PRKAB1: variants seen among roughly 807,000 people sequenced by gnomAD.
PRKAB1 encodes protein kinase AMP-activated non-catalytic subunit beta 1.
A neutral mutation model predicts 32.0 loss-of-function variants in PRKAB1; 18 were observed. The observed-to-expected ratio is 0.56, with a 90% CI of 0.39 to 0.83. The LOEUF is 0.83. Ranked by LOEUF, PRKAB1 falls within the 40% of genes least tolerant of loss-of-function variation. PRKAB1 has a pLI of 0.00. For missense variants in PRKAB1, 263 were observed against 352.6 expected (o/e 0.75, Z 2.03); for synonymous variants, 141 against 141.4 (o/e 1.00, Z 0.02).
rs544444157 is a variant in PRKAB1, at chr12:119,672,583, T to C, written c.323+119T>C. 1.6e-3 allele frequency: 1,823 copies of C among 1,127,210 alleles called. 7 individuals carry two copies. Among genetic ancestry groups the C allele is most frequent in the Non-Finnish European group, 2.0e-3 (1,651 of 828,350 alleles). 69.8% of individuals were successfully genotyped at this position (1,127,210 alleles called of 1,614,324 possible). A position where few individuals can be genotyped will look rare whatever the true frequency, so the allele number is the denominator to read the frequency against. On this transcript the variant is annotated intron_variant, in intron 2 of 6. Coordinates refer to ENST00000229328, the MANE Select transcript of PRKAB1 (RefSeq NM_006253.5). ...ATAAAATGGATGCCTAGTGGAAAAA[T>C]AATTTTGCTTAATAAGTCTTAAGGT...
chr12:119,676,670 CG>C lies in PRKAB1; in HGVS notation c.666+1del. The C allele has an allele frequency of 6.2e-7, 1 of 1,613,510 alleles. No homozygotes were observed. Among genetic ancestry groups the C allele is most frequent in the East Asian group, 2.2e-5 (1 of 44,850 alleles). The stretch of plus-strand genomic sequence containing the variant: ...TCCTGAACAAGGACACGGGGATTTC[CG>C]TAAGTATGTGGGCATCTGCCCGGAC... On this transcript the variant is annotated splice_donor_variant, in intron 5 of 6. Coordinates refer to ENST00000229328, the MANE Select transcript of PRKAB1 (RefSeq NM_006253.5). LOFTEE classifies it high-confidence loss of function.
At chr12:119,673,820 G>A in intron 2 of PRKAB1, 144 bp from the exon 3 acceptor site, 1 of 638,098 alleles carries the variant, frequency 1.6e-6, no homozygotes. Context: ...ATGCTGAATT[G>A]TCTAAATGGG....
intron 5 of PRKAB1, 24 bp downstream of exon 5, chr12:119,676,694 G>A: frequency 3.1e-6 from 5 of 1,611,138 alleles, no homozygotes; most frequent in Non-Finnish European, 4.2e-6. Context: ...CATCTGCCCG[G>A]ACCATCCGCC....
chr12:119,674,385 G>A lies in PRKAB1; in HGVS notation c.463G>A (p.Val155Met), dbSNP rs775877182. Reference sequence around the variant, plus strand: ...TGGCACAGTTAACAACATCATTCAAGTGAAGAAAACTGACTTTGAAGTATT... The same window carrying A: ...TGGCACAGTTAACAACATCATTCAAATGAAGAAAACTGACTTTGAAGTATT... ...QLGTVNNIIQVKKTDFEVFDA... is the reference protein window; with the variant it reads ...QLGTVNNIIQMKKTDFEVFDA... Residue 155 changes from valine (V) to methionine (M), a missense_variant, in exon 4 of 7, where the codon GTG becomes ATG. Coordinates refer to ENST00000229328, the MANE Select transcript of PRKAB1 (RefSeq NM_006253.5). This position sits in a 1 kb window ranked among gnomAD's most constrained non-coding sequence, Gnocchi z 4.3. The A allele has an allele frequency of 7.4e-6, 12 of 1,614,212 alleles. No homozygotes were observed. Among genetic ancestry groups the A allele is most frequent in the Non-Finnish European group, 9.3e-6 (11 of 1,180,022 alleles).
chr12:119,677,425 ACAGGGTCT>A (rs1443581785), intron 5 of PRKAB1: 1 of 152,268 alleles, frequency 6.6e-6, no homozygotes, highest in Non-Finnish European at 1.5e-5. Flanking sequence ...GGCTGCCAGG[ACAGGGTCT>A]CAGTGCTTGT....
Position 119,674,616 on chromosome 12 carries a change from TG to T in PRKAB1, c.532+163del, listed in dbSNP as rs1332312273. Among the ~76,000 whole-genome samples, 2 of 152,244 alleles carry T rather than the reference TG, an allele frequency of 1.3e-5. No homozygotes were observed. Among genetic ancestry groups the T allele is most frequent in the African/African-American group, 4.8e-5 (2 of 41,464 alleles). On this transcript the variant is annotated intron_variant, in intron 4 of 6. Transcript: ENST00000229328. The surrounding 1 kb of genome is among the most constrained non-coding windows in gnomAD (Gnocchi z 4.3). ...CAGAACTTAATTCCTGTCAGGTTGTTGAAATTTAGCCCTAAGGGAGCTACAA... is the reference window on the plus strand; with the variant it reads ...CAGAACTTAATTCCTGTCAGGTTGTTAAATTTAGCCCTAAGGGAGCTACAA...
chr12:119,669,271 CTT>C (rs1174061275), intron 1 of PRKAB1, among the ~76,000 whole-genome samples: 7 of 122,650 alleles, frequency 5.7e-5, no homozygotes, highest in Non-Finnish European at 8.6e-5. Flanking sequence ...GTTCAGCCTA[CTT>C]TTTTTTTTTT....
At chr12:119,669,860 C>T (rs1485249106) in intron 1 of PRKAB1, 3 of 152,292 alleles carry the variant, frequency 2.0e-5, no homozygotes, top group East Asian at 3.8e-4. Flanking sequence ...CAGGCATGAG[C>T]CACCACTCCC....
chr12:119,668,440 T>C (rs1249167201), intron 1 of PRKAB1, 37 bp downstream of exon 1: 2 of 1,606,298 alleles, frequency 1.2e-6, no homozygotes, highest in African/African-American at 1.3e-5. Context: ...TCCCCTTGAC[T>C]AATGTTGAGG....
rs564920292 is a variant in PRKAB1, at chr12:119,673,588, C to G, written c.324-376C>G. Among the ~76,000 whole-genome samples the G allele has an allele frequency of 4.6e-5, 7 of 152,316 alleles. No individual in the cohort carries two copies. The South Asian group carries it at 1.2e-3, about 27-fold the overall frequency. ...CCTATTCAATTGATCCCTTCTCCTG[C>G]CCAAGGCAAAGTGACAAAGGGTAAA... On this transcript the variant is annotated intron_variant, in intron 2 of 6. Coordinates refer to ENST00000229328, the MANE Select transcript of PRKAB1 (RefSeq NM_006253.5).
Position 119,674,541 on chromosome 12 carries a change from G to A in PRKAB1, c.532+87G>A. 1 of 954,650 alleles carries A rather than the reference G, an allele frequency of 1.0e-6. No individual in the cohort carries two copies. The highest frequency in any genetic ancestry group is 1.6e-6 in the Non-Finnish European group (1 of 631,224). 59.1% of individuals were successfully genotyped at this position (954,650 alleles called of 1,614,324 possible). A position where few individuals can be genotyped will look rare whatever the true frequency, so the allele number is the denominator to read the frequency against. On this transcript the variant is annotated intron_variant, in intron 4 of 6. Coordinates refer to ENST00000229328, the MANE Select transcript of PRKAB1 (RefSeq NM_006253.5). This position sits in a 1 kb window ranked among gnomAD's most constrained non-coding sequence, Gnocchi z 4.3. ...CTCTTGTTTCTCTTGCCTCTCTTGA[G>A]CTGAAGCTGCCCAGTCAGATAGGCA... is the stretch of plus-strand genomic sequence containing the variant.
chr12:119,670,532 C>T (rs538051925), intron 1 of PRKAB1, among the ~76,000 whole-genome samples: 19 of 152,188 alleles, frequency 1.2e-4, no homozygotes, highest in Non-Finnish European at 2.5e-4. Flanking sequence ...AATGACTTGA[C>T]GTCCTTTCCC....
chr12:119,674,240 G>T lies in PRKAB1; in HGVS notation c.418-100G>T. 5 of 1,092,284 alleles carry T rather than the reference G, an allele frequency of 4.6e-6. No individual in the cohort carries two copies. The South Asian group carries it at 7.2e-5, about 16-fold the overall frequency. The allele number at this position is 1,092,284 out of a possible 1,614,324, so 67.7% of individuals were successfully genotyped here. On this transcript the variant is annotated intron_variant, in intron 3 of 6. Coordinates refer to ENST00000229328, the MANE Select transcript of PRKAB1 (RefSeq NM_006253.5). This position sits in a 1 kb window ranked among gnomAD's most constrained non-coding sequence, Gnocchi z 4.3. ...TTGACCAAGATGAGCAGGGTGGCTA[G>T]CCAGGAGATGAGGCCTTCCAGCCAG...
intron 4 of PRKAB1, among the ~76,000 whole-genome samples, chr12:119,676,121 C>T (rs1041906615): frequency 5.9e-5 from 9 of 152,196 alleles, no homozygotes; most frequent in African/African-American, 1.9e-4. Context: ...TGTTGCATTG[C>T]GGCCGGGGGT....
intron 1 of PRKAB1, among the ~76,000 whole-genome samples, chr12:119,671,021 A>G (rs1781623043): frequency 6.6e-6 from 1 of 152,192 alleles, no homozygotes. Flanking sequence ...GCATGACTAC[A>G]TATGTCATCC....
In PRKAB1 at chr12:119,668,213, C is replaced by G; in HGVS notation, c.-32C>G. 1 of 1,540,468 alleles carries G rather than the reference C, an allele frequency of 6.5e-7. No homozygotes were observed. The highest frequency in any genetic ancestry group is 8.7e-7 in the Non-Finnish European group (1 of 1,150,826). ...TCCCTTTCCTGCAGTGAGGCGCCGT[C>G]CGCCTTCCCTGTGTCCCCGCAGACC... On this transcript the variant is annotated 5_prime_UTR_variant, in exon 1 of 7. Coordinates refer to ENST00000229328, the MANE Select transcript of PRKAB1 (RefSeq NM_006253.5).
intron 1 of PRKAB1, chr12:119,670,069 A>G (rs1003884945): frequency 4.6e-5 from 7 of 152,342 alleles, no homozygotes; most frequent in African/African-American, 9.6e-5. Flanking sequence ...TTTAAATTCA[A>G]AAACTCAGGT....
intron 1 of PRKAB1, chr12:119,671,483 ACCTCTTCACAGGACG>A: frequency 2.7e-6 from 1 of 374,600 alleles, no homozygotes. Flanking sequence ...GGTAAAAGGC[ACCTCTTCACAGGACG>A]GCAGAAGAGA....
chr12:119,673,914 C>T lies in PRKAB1; in HGVS notation c.324-50C>T, dbSNP rs549700674. The T allele has an allele frequency of 9.3e-5, 141 of 1,512,022 alleles. No individual in the cohort carries two copies. The Admixed American group carries it at 1.3e-3, about 14-fold the overall frequency. 93.7% of individuals were successfully genotyped at this position (1,512,022 alleles called of 1,614,324 possible). Reference sequence around the variant, plus strand: ...CTGTAGCTGGTTTGGCAAGTAAGCTCGGGGGGCAGCCCACCCCACGGAAGT... The same window carrying T: ...CTGTAGCTGGTTTGGCAAGTAAGCTTGGGGGGCAGCCCACCCCACGGAAGT... On this transcript the variant is annotated intron_variant, in intron 2 of 6. Transcript: ENST00000229328.
Sources: gnomAD v4.1 joint callset for allele counts (sites outside exome capture counted in the v4.1 genomes callset) on GRCh38, gnomAD v4.1.1 for gene constraint, Gnocchi (gnomAD v3.1) non-coding constraint, MANE v1.5 for transcripts, NCBI Gene and HGNC (gene_info 2026-07-23, HGNC 2026-07-21) for gene names.